The following NEDD4L variants were observed in gnomAD, a reference collection of about 807,000 sequenced individuals.
NEDD4L encodes NEDD4 like E3 ubiquitin protein ligase.
A neutral mutation model predicts 148.9 loss-of-function variants in NEDD4L; 54 were observed. That is an observed-to-expected ratio of 0.36 (90% CI 0.29 to 0.45). The LOEUF (loss-of-function observed/expected upper bound fraction) is 0.45, where lower values mean the gene tolerates loss of function less well. Ranked by LOEUF, NEDD4L falls within the 20% of genes least tolerant of loss-of-function variation. NEDD4L has a pLI of 1.00. For missense variants in NEDD4L, 856 were observed against 1,233.8 expected, an observed-to-expected ratio of 0.69 and a Z score of 4.59; for synonymous variants, 433 against 440.7, an observed-to-expected ratio of 0.98 and a Z score of 0.22.
At chr18:58,173,040 G>A (rs1003862291) in intron 2 of NEDD4L, among the ~76,000 whole-genome samples, 3 of 152,118 alleles carry the variant, frequency 2.0e-5, no homozygotes, top group African/African-American at 7.2e-5. Flanking sequence ...TTTAGAATAG[G>A]TATATTTTGC....
intron 1 of NEDD4L, chr18:58,045,682 A>C (rs556930973): frequency 6.5e-6 from 1 of 152,702 alleles, no homozygotes; most frequent in East Asian, 1.9e-4. Context: ...GGCAGGCTGG[A>C]TGGAGCAGGT....
chr18:58,128,184 C>T (rs2145915139), intron 1 of NEDD4L, among the ~76,000 whole-genome samples: 1 of 152,222 alleles, frequency 6.6e-6, no homozygotes, highest in South Asian at 2.1e-4. Flanking sequence ...GTGGCTGGGA[C>T]TACAGGCTCC....
At chr18:58,175,697 T>C (rs766520921) in intron 2 of NEDD4L, among the ~76,000 whole-genome samples, 9 of 152,250 alleles carry the variant, frequency 5.9e-5, no homozygotes, top group Non-Finnish European at 1.3e-4. Context: ...TTAGGCTGTT[T>C]GTTCTAGCTG....
chr18:58,053,985 A>C (rs543847889), intron 1 of NEDD4L, among the ~76,000 whole-genome samples: 1 of 152,236 alleles, frequency 6.6e-6, no homozygotes, highest in African/African-American at 2.4e-5. Flanking sequence ...GTGAGGGCAG[A>C]CTTTGGGTCA....
In NEDD4L at chr18:58,401,364, A is replaced by G. The variant is rs955033783; in HGVS notation, c.*5095A>G. 1.3e-5 allele frequency: 2 copies of G among 152,238 alleles called. No homozygotes were observed. Among genetic ancestry groups the G allele is most frequent in the Non-Finnish European group, 2.9e-5 (2 of 68,042 alleles). The allele number at this position is 152,238 out of a possible 1,614,324, so 9.4% of individuals were successfully genotyped here. A position where few individuals can be genotyped will look rare whatever the true frequency, so the allele number is the denominator to read the frequency against. On this transcript the variant is annotated 3_prime_UTR_variant, in exon 31 of 31. Transcript: ENST00000400345. ...ATGGTTGAATTTGATACACACAGGAAGTTTTCTTGAAGAACAATCCTTTCG... is the reference window on the plus strand; with the variant it reads ...ATGGTTGAATTTGATACACACAGGAGGTTTTCTTGAAGAACAATCCTTTCG...
intron 1 of NEDD4L, among the ~76,000 whole-genome samples, chr18:58,077,675 C>T (rs554947252): frequency 2.6e-5 from 4 of 152,218 alleles, no homozygotes; most frequent in South Asian, 2.1e-4. Flanking sequence ...TGTGATGCAT[C>T]GGGTTTGGGA....
At chr18:58,168,437 G>C (rs773481063) in intron 2 of NEDD4L, among the ~76,000 whole-genome samples, 3 of 152,234 alleles carry the variant, frequency 2.0e-5, no homozygotes, top group Non-Finnish European at 4.4e-5. Context: ...TCATGCCACT[G>C]TGTATTAGTG....
chr18:58,333,528 TAG>T (rs1251377530), intron 11 of NEDD4L, among the ~76,000 whole-genome samples: 1 of 152,172 alleles, frequency 6.6e-6, no homozygotes, highest in Non-Finnish European at 1.5e-5. Flanking sequence ...AAAGCAGCAT[TAG>T]AGTGTTGCAG....
chr18:58,399,399 G>A lies in NEDD4L; in HGVS notation c.*3130G>A, dbSNP rs1288418007. 2.0e-5 allele frequency: 3 copies of A among 152,228 alleles called. No individual in the cohort carries two copies. The highest frequency in any genetic ancestry group is 7.2e-5 in the African/African-American group (3 of 41,440). 9.4% of individuals were successfully genotyped at this position (152,228 alleles called of 1,614,324 possible). A position where few individuals can be genotyped will look rare whatever the true frequency, so the allele number is the denominator to read the frequency against. ...TTGTTTCCAGGACCCTTCAGAAGGT[G>A]ACATCAGATATTCCCTAAATTCAGA... On this transcript the variant is annotated 3_prime_UTR_variant, in exon 31 of 31. Coordinates refer to ENST00000400345, the MANE Select transcript of NEDD4L (RefSeq NM_001144967.3).
intron 6 of NEDD4L, among the ~76,000 whole-genome samples, chr18:58,316,859 G>A (rs1047948537): frequency 2.0e-5 from 3 of 152,224 alleles, no homozygotes; most frequent in South Asian, 2.1e-4. Flanking sequence ...GAGGAAAGGC[G>A]AATGTTTCTG....
chr18:58,067,497 G>A (rs1411941114), intron 1 of NEDD4L, among the ~76,000 whole-genome samples: 1 of 152,174 alleles, frequency 6.6e-6, no homozygotes, highest in Non-Finnish European at 1.5e-5. Context: ...GGGTTGGGGT[G>A]GAGAGAGCTG....
chr18:58,306,854 G>A (rs570001442), intron 5 of NEDD4L, among the ~76,000 whole-genome samples: 58 of 152,222 alleles, frequency 3.8e-4, no homozygotes, highest in African/African-American at 1.3e-3. Context: ...GGCTGTTCTC[G>A]AACTCCTGAC....
At chr18:58,255,657 G>A (rs571765380) in intron 5 of NEDD4L, 10 of 1,232,258 alleles carry the variant, frequency 8.1e-6, no homozygotes, top group African/African-American at 3.1e-5. Flanking sequence ...CATCGGCTTC[G>A]GTTTCATTTT....
At chr18:58,270,031 T>C (rs1216627522) in intron 5 of NEDD4L, among the ~76,000 whole-genome samples, 1 of 152,362 alleles carries the variant, frequency 6.6e-6, no homozygotes, top group East Asian at 1.9e-4. Flanking sequence ...AAGAAGTAAG[T>C]AAAAGTGGAA....
At chr18:58,162,364 G>A (rs1038694307) in intron 1 of NEDD4L, among the ~76,000 whole-genome samples, 9 of 151,834 alleles carry the variant, frequency 5.9e-5, no homozygotes, top group South Asian at 2.1e-4. Flanking sequence ...CCCATCAAAC[G>A]GGGCTTGCTG....
chr18:58,103,948 A>C (rs907110460), intron 1 of NEDD4L, among the ~76,000 whole-genome samples: 1 of 152,280 alleles, frequency 6.6e-6, no homozygotes, highest in African/African-American at 2.4e-5. Context: ...ACCATTTCCC[A>C]GCATAGAAAA....
At chr18:58,222,345 T>G (rs2043863019) in intron 2 of NEDD4L, among the ~76,000 whole-genome samples, 1 of 152,232 alleles carries the variant, frequency 6.6e-6, no homozygotes, top group South Asian at 2.1e-4. Context: ...GAATTTTTGG[T>G]TGGTAGCAAC....
intron 8 of NEDD4L, among the ~76,000 whole-genome samples, chr18:58,324,604 A>C (rs2059145358): frequency 6.6e-6 from 1 of 152,222 alleles, no homozygotes; most frequent in African/African-American, 2.4e-5. Context: ...TGGCAGCTGT[A>C]CTGTGACGCA....
intron 5 of NEDD4L, among the ~76,000 whole-genome samples, chr18:58,281,916 TCGGGAGGCTGAGG>T (rs1433458745): frequency 3.0e-4 from 45 of 151,388 alleles, no homozygotes; most frequent in Admixed American, 7.2e-4. Flanking sequence ...TCCCAGCTAC[TCGGGAGGCTGAGG>T]CAGGAGAATG....
Sources: allele counts gnomAD v4.1 joint callset (sites outside exome capture counted in the v4.1 genomes callset), GRCh38; gene constraint gnomAD v4.1.1; transcripts MANE v1.5; gene names NCBI Gene and HGNC (gene_info 2026-07-23, HGNC 2026-07-21).